Variants in AVEN observed in about 807,000 individuals in gnomAD.
The protein encoded by AVEN is apoptosis and caspase activation inhibitor.
In AVEN, 41 loss-of-function variants were observed where a neutral mutation model predicts 38.1. The ratio of observed to expected loss-of-function variants is 1.08; its 90% CI spans 0.84 to 1.40. AVEN has a LOEUF of 1.40. Ranked by LOEUF, AVEN falls within the 40% of genes most tolerant of loss-of-function variation. The pLI is 0.00. For missense variants in AVEN, 605 were observed against 438.8 expected (o/e 1.38, Z -3.38); for synonymous variants, 206 against 171.8 (o/e 1.20, Z -1.56).
intron 2 of AVEN, among the ~76,000 whole-genome samples, chr15:33,992,924 A>C (rs546444474): frequency 2.6e-4 from 39 of 152,376 alleles, no homozygotes; most frequent in African/African-American, 9.4e-4. Context: ...AAAAATATGC[A>C]CAGACAACAA....
At chr15:33,967,791 C>T (rs950203296) in intron 2 of AVEN, among the ~76,000 whole-genome samples, 14 of 151,674 alleles carry the variant, frequency 9.2e-5, no homozygotes, top group African/African-American at 3.1e-4. Context: ...TTCTTTTATA[C>T]AGCTAATATG....
In AVEN at chr15:33,882,090, C is replaced by T. The variant is rs142459762; in HGVS notation, c.446-6095G>A. Among the ~76,000 whole-genome samples, 71 of 152,242 alleles carry T rather than the reference C, an allele frequency of 4.7e-4. No homozygotes were observed. The East Asian group carries it at 0.013, about 27-fold the overall frequency. ...CTCTTCTTCAAGTAAAGACAACTGT[C>T]TGACTTACAGAATATTGTAGAACGG... On this transcript the variant is annotated intron_variant, in intron 2 of 5. Transcript: ENST00000306730.
intron 2 of AVEN, among the ~76,000 whole-genome samples, chr15:33,953,937 G>C (rs909068474): frequency 1.4e-4 from 21 of 151,616 alleles, no homozygotes; most frequent in Admixed American, 3.9e-4. Context: ...TTAAACTTTC[G>C]AGAACTTAAA....
rs142183637 is a variant in AVEN at position 33,920,563 on chromosome 15, C to A, written c.446-44568G>T. Among the ~76,000 whole-genome samples, 112 of 152,200 alleles carry A rather than the reference C, an allele frequency of 7.4e-4. 1 individual carries two copies. In the South Asian group the frequency reaches 0.022, roughly 30 times the overall value. On this transcript the variant is annotated intron_variant, in intron 2 of 5. Coordinates refer to ENST00000306730, the MANE Select transcript of AVEN (RefSeq NM_020371.3). ...ACCCCAGTACACTTTTATCTTTCAA[C>A]GAAAAGAACATGCTCCTTTTCTGAT...
chr15:33,938,473 A>C (rs569700330), intron 2 of AVEN, among the ~76,000 whole-genome samples: 1 of 152,226 alleles, frequency 6.6e-6, no homozygotes, highest in African/African-American at 2.4e-5. Context: ...TAAAAATAAA[A>C]ATAAAAAATA....
At position 34,063,148 on chromosome 15, in the gene AVEN, C is replaced by G. The variant is rs146231539; in HGVS notation, n.1411G>C. 6.2e-7 allele frequency: 1 copy of G among 1,614,032 alleles called. No homozygotes were observed. The highest frequency in any genetic ancestry group is 8.5e-7 in the Non-Finnish European group (1 of 1,180,038). ...TTGACATATCGGGCCAAGCGTACTC[C>G]GAAAAGGGCTGGCATCATGATTGGC... On this transcript the variant is annotated non_coding_transcript_exon_variant, in exon 5 of 12. Transcript: ENST00000675287. The surrounding 1 kb of genome is among the most constrained non-coding windows in gnomAD (Gnocchi z 4.1).
intron 2 of AVEN, among the ~76,000 whole-genome samples, chr15:33,990,326 G>C (rs1297533533): frequency 6.6e-6 from 1 of 152,234 alleles, no homozygotes; most frequent in Non-Finnish European, 1.5e-5. Context: ...AGGCTGCAGT[G>C]AGCCGAGATC....
At chr15:33,917,125 G>A (rs1893168347) in intron 2 of AVEN, among the ~76,000 whole-genome samples, 1 of 152,032 alleles carries the variant, frequency 6.6e-6, no homozygotes, top group South Asian at 2.1e-4. Context: ...TGGGGACACA[G>A]TCAAACCATA....
At chr15:33,995,838 G>A (rs1174583239) in intron 2 of AVEN, among the ~76,000 whole-genome samples, 2 of 152,226 alleles carry the variant, frequency 1.3e-5, no homozygotes, top group East Asian at 3.9e-4. Context: ...GTTGGACAGT[G>A]GGTGCAGGCC....
At chr15:33,986,389 G>GT (rs1431302823) in intron 2 of AVEN, among the ~76,000 whole-genome samples, 8 of 151,700 alleles carry the variant, frequency 5.3e-5, no homozygotes, top group Admixed American at 6.6e-5. Context: ...GATTACAGGC[G>GT]TAAGCCACCG....
At chr15:34,031,419 C>T (rs1418681059) in intron 1 of AVEN, among the ~76,000 whole-genome samples, 1 of 151,970 alleles carries the variant, frequency 6.6e-6, no homozygotes, top group Non-Finnish European at 1.5e-5. Flanking sequence ...AGGTGATCTG[C>T]CTGCCTCAGC....
rs74008367 is a variant in AVEN, at chr15:33,871,163, T to C, written c.517-133A>G. On this transcript the variant is annotated intron_variant, in intron 3 of 5. Coordinates refer to ENST00000306730, the MANE Select transcript of AVEN (RefSeq NM_020371.3). ...TAAGTCACACCATACATCACACTTA[T>C]GTGTTAGAGTTTCTGCATCTCCACA... 2,842 of 479,604 alleles carry C rather than the reference T, an allele frequency of 5.9e-3. 81 individuals carry two copies. The highest frequency in any genetic ancestry group is 0.052 in the African/African-American group (2,587 of 49,332). The allele number at this position is 479,604 out of a possible 1,614,324, so 29.7% of individuals were successfully genotyped here.
chr15:34,018,640 G>A (rs1455004266), intron 1 of AVEN, among the ~76,000 whole-genome samples: 1 of 152,218 alleles, frequency 6.6e-6, no homozygotes, highest in African/African-American at 2.4e-5. Context: ...TGTGAAGAGT[G>A]AAAGAACAAA....
chr15:33,927,114 G>A (rs1185777289), intron 2 of AVEN, among the ~76,000 whole-genome samples: 6 of 152,054 alleles, frequency 3.9e-5, no homozygotes, highest in Non-Finnish European at 8.8e-5. Context: ...AATTAGCCGG[G>A]TGTGGTGGCG....
intron 2 of AVEN, chr15:34,067,329 C>G (rs192448310): frequency 2.6e-4 from 39 of 152,124 alleles, no homozygotes; most frequent in Non-Finnish European, 4.4e-4. Flanking sequence ...GAAATCTGTA[C>G]CCAAACCTCT....
intron 2 of AVEN, among the ~76,000 whole-genome samples, chr15:33,993,520 A>C (rs1896811647): frequency 6.6e-6 from 1 of 152,210 alleles, no homozygotes; most frequent in Non-Finnish European, 1.5e-5. Context: ...CTCTCCAAAA[A>C]TGGTTCCCAC....
intron 2 of AVEN, among the ~76,000 whole-genome samples, chr15:33,999,925 T>C (rs1346099622): frequency 6.6e-6 from 1 of 152,194 alleles, no homozygotes; most frequent in Non-Finnish European, 1.5e-5. Context: ...AAAACATCTT[T>C]ACAATGGTCT....
In AVEN at chr15:34,038,995, C is replaced by G. The variant is rs781316039; in HGVS notation, c.52G>C (p.Gly18Arg). Residue 18 changes from glycine to arginine, a missense_variant, in exon 1 of 6, where the codon GGC becomes CGC. By Grantham distance (125) the Gly-to-Arg change is moderately radical. Transcript: ENST00000306730. ...RGGRGRRPGR[G>R]RPGGDRHSER... ...CTGTGGCGATCTCCGCCAGGCCGGC[C>G]GCGGCCTGGCCGCCGCCCACGGCCT... 6.3e-5 allele frequency: 70 copies of G among 1,118,356 alleles called. No individual in the cohort carries two copies. Among genetic ancestry groups the G allele is most frequent in the South Asian group, 1.1e-4 (3 of 26,672 alleles). 69.3% of individuals were successfully genotyped at this position (1,118,356 alleles called of 1,614,324 possible).
chr15:34,074,574 G>A (rs916934035), exon 1 of AVEN, among the ~76,000 whole-genome samples: 5 of 152,074 alleles, frequency 3.3e-5, no homozygotes, highest in African/African-American at 1.2e-4. Context: ...GCTGTTAAAT[G>A]TCCATCTTCT....
Sources: gnomAD v4.1 joint callset for allele counts (sites outside exome capture counted in the v4.1 genomes callset) on GRCh38, gnomAD v4.1.1 for gene constraint, Gnocchi (gnomAD v3.1) non-coding constraint, MANE v1.5 for transcripts, NCBI Gene and HGNC (gene_info 2026-07-23, HGNC 2026-07-21) for gene names.